Variants in BBOX1 observed in about 807,000 individuals in gnomAD.
BBOX1 encodes gamma-butyrobetaine dioxygenase.
BBOX1 carries 35 observed loss-of-function variants against 41.6 expected under a neutral mutation model. That is an observed-to-expected ratio of 0.84 (90% CI 0.64 to 1.11). The LOEUF (loss-of-function observed/expected upper bound fraction) is 1.11. Among genes scored for constraint, BBOX1 ranks in the 50% most tolerant of loss-of-function variants. The pLI is 0.00. For synonymous variants in BBOX1, 163 were observed against 154.7 expected, an observed-to-expected ratio of 1.05 and a Z score of -0.40; for missense variants, 458 against 460.6, an observed-to-expected ratio of 0.99 and a Z score of 0.05.
chr11:27,084,359 T>A (rs1857958980), intron 4 of BBOX1, among the ~76,000 whole-genome samples: 1 of 152,052 alleles, frequency 6.6e-6, no homozygotes, highest in Admixed American at 6.5e-5. Context: ...ATTCAAATCT[T>A]CATCACAGGG....
intron 5 of BBOX1, among the ~76,000 whole-genome samples, chr11:27,106,495 C>G (rs368067423): frequency 3.9e-5 from 6 of 151,972 alleles, no homozygotes; most frequent in Admixed American, 1.3e-4. Flanking sequence ...GACAAAGAAG[C>G]CCATTACATA....
chr11:27,042,263 G>T (rs1851365410), intron 2 of BBOX1, among the ~76,000 whole-genome samples: 1 of 152,186 alleles, frequency 6.6e-6, no homozygotes. Flanking sequence ...TACAAATGAA[G>T]TGTTTGCATG....
At chr11:27,060,216 A>G (rs537702753) in intron 4 of BBOX1, among the ~76,000 whole-genome samples, 34 of 152,252 alleles carry the variant, frequency 2.2e-4, no homozygotes, top group South Asian at 6.2e-4. Context: ...TATCCTCACA[A>G]TAGCAAATGA....
intron 7 of BBOX1, among the ~76,000 whole-genome samples, chr11:27,125,272 C>G (rs1166371350): frequency 6.6e-6 from 1 of 152,012 alleles, no homozygotes; most frequent in South Asian, 2.1e-4. Context: ...ATACTTAGAA[C>G]CTTAATAAAT....
intron 4 of BBOX1, among the ~76,000 whole-genome samples, chr11:27,067,739 C>A (rs903216267): frequency 1.3e-5 from 2 of 151,834 alleles, no homozygotes; most frequent in African/African-American, 4.8e-5. Flanking sequence ...CCAGCCTGTA[C>A]GACAGAGCGA....
intron 2 of BBOX1, among the ~76,000 whole-genome samples, chr11:27,051,761 A>AT (rs1378382821): frequency 2.0e-5 from 3 of 151,266 alleles, no homozygotes; most frequent in African/African-American, 7.3e-5. Context: ...TTTTAGTTTA[A>AT]TTTTTTTCTT....
chr11:27,066,271 T>C (rs1483436760), intron 4 of BBOX1, among the ~76,000 whole-genome samples: 1 of 152,184 alleles, frequency 6.6e-6, no homozygotes, highest in African/African-American at 2.4e-5. Flanking sequence ...ATAAGTTTTA[T>C]AACATTGGCA....
rs1590206279 is a variant in BBOX1, at chr11:27,093,178, C to T, written c.345C>T (p.Tyr115=). Residue 115 remains tyrosine, a synonymous_variant, in exon 5 of 9, where the codon TAC becomes TAT. Transcript: ENST00000263182. ...TTTATCAATTCACAGAATGCCAATA[C>T]TGGGGCTCAGAGCTCCAGCTACCCA... ...QRELFFPECQ[Y]WGSELQLPTL... 3 of 1,611,958 alleles carry T rather than the reference C, an allele frequency of 1.9e-6. 1 individual carries two copies.
chr11:27,108,914 C>T (rs1057268822), intron 5 of BBOX1, among the ~76,000 whole-genome samples: 4 of 152,000 alleles, frequency 2.6e-5, no homozygotes, highest in Non-Finnish European at 5.9e-5. Flanking sequence ...ATACCCTTTA[C>T]CGTATACCGT....
chr11:27,080,370 T>C (rs1296377354), intron 4 of BBOX1, among the ~76,000 whole-genome samples: 1 of 152,094 alleles, frequency 6.6e-6, no homozygotes, highest in Non-Finnish European at 1.5e-5. Context: ...TATTTGACTC[T>C]CTTTCACACT....
intron 5 of BBOX1, among the ~76,000 whole-genome samples, chr11:27,099,841 GA>G (rs1317346693): frequency 1.2e-4 from 18 of 152,214 alleles, no homozygotes; most frequent in Non-Finnish European, 2.2e-4. Context: ...AAGTTTGCTT[GA>G]AAAATGTAGA....
intron 5 of BBOX1, among the ~76,000 whole-genome samples, chr11:27,104,096 A>T (rs1858768758): frequency 6.6e-6 from 1 of 152,144 alleles, no homozygotes; most frequent in Admixed American, 6.5e-5. Context: ...AAGGAAGGTC[A>T]TGGAAGGGAG....
chr11:27,124,088 T>G (rs116938323), intron 7 of BBOX1, among the ~76,000 whole-genome samples: 263 of 152,284 alleles, frequency 1.7e-3, no homozygotes, highest in Non-Finnish European at 2.9e-3. Context: ...TCACAATTTG[T>G]ACTTCACTGT....
At chr11:27,095,603 T>C (rs897158781) in intron 5 of BBOX1, among the ~76,000 whole-genome samples, 8 of 151,976 alleles carry the variant, frequency 5.3e-5, no homozygotes, top group African/African-American at 1.9e-4. Context: ...TCTCAAATTA[T>C]GTGCATGCCA....
At chr11:27,058,546 G>C (rs1348244208) in intron 4 of BBOX1, among the ~76,000 whole-genome samples, 2 of 152,174 alleles carry the variant, frequency 1.3e-5, no homozygotes, top group Non-Finnish European at 2.9e-5. Flanking sequence ...TGGTTAGATG[G>C]TTGTGACCAA....
intron 5 of BBOX1, among the ~76,000 whole-genome samples, chr11:27,094,897 G>A (rs539141494): frequency 1.3e-5 from 2 of 152,056 alleles, no homozygotes; most frequent in South Asian, 2.1e-4. Context: ...AACAACAACA[G>A]ACAAAGGAAA....
At chr11:27,079,528 G>C (rs1035259598) in intron 4 of BBOX1, among the ~76,000 whole-genome samples, 2 of 151,978 alleles carry the variant, frequency 1.3e-5, no homozygotes, top group Admixed American at 1.3e-4. Flanking sequence ...TCTCAATAGG[G>C]AATATAAAGG....
At chr11:27,077,334 A>G (rs953430286) in intron 4 of BBOX1, among the ~76,000 whole-genome samples, 4 of 152,094 alleles carry the variant, frequency 2.6e-5, no homozygotes, top group African/African-American at 9.7e-5. Flanking sequence ...GGTAGGATTA[A>G]GGCCTTTCCC....
intron 5 of BBOX1, among the ~76,000 whole-genome samples, chr11:27,112,692 C>T (rs1477587187): frequency 1.3e-5 from 2 of 151,906 alleles, no homozygotes; most frequent in African/African-American, 4.8e-5. Flanking sequence ...AAACCTAAAA[C>T]TATACAAACT....
Sources: allele counts gnomAD v4.1 joint callset (sites outside exome capture counted in the v4.1 genomes callset), GRCh38; gene constraint gnomAD v4.1.1; transcripts MANE v1.5; gene names NCBI Gene and HGNC (gene_info 2026-07-23, HGNC 2026-07-21).